The following MROH9 variants were observed in gnomAD, a reference collection of about 807,000 sequenced individuals.
MROH9 encodes the protein maestro heat-like repeat-containing protein family member 9.
MROH9 carries 92 observed loss-of-function variants against 98.2 expected under a neutral mutation model. The observed-to-expected ratio is 0.94, with a 90% CI of 0.79 to 1.11. The LOEUF is 1.11. Among genes scored for constraint, MROH9 ranks in the 50% most tolerant of loss-of-function variants. The pLI is 0.00. For missense variants in MROH9, 1,057 were observed against 1,014.8 expected (o/e 1.04, Z -0.57); for synonymous variants, 397 against 368.9 (o/e 1.08, Z -0.87).
At chr1:170,962,122 A>C (rs1650038078) in intron 6 of MROH9, 146 bp downstream of exon 6, 2 of 539,082 alleles carry the variant, frequency 3.7e-6, no homozygotes, top group East Asian at 7.2e-5. Context: ...AGTGAAATGT[A>C]GTCACTTCCC....
At chr1:170,942,424 C>T (rs28652568) in intron 1 of MROH9, among the ~76,000 whole-genome samples, 53,883 of 149,652 alleles carry the variant, frequency 0.36, 9,742 homozygotes, top group East Asian at 0.51. Context: ...CAGAGAATAC[C>T]GATAATTTTA....
At chr1:171,059,954 G>T (rs562796528) in intron 20 of MROH9, among the ~76,000 whole-genome samples, 2 of 151,722 alleles carry the variant, frequency 1.3e-5, no homozygotes, top group South Asian at 4.2e-4. Flanking sequence ...ATAAATGAAA[G>T]GTTATATATG....
At chr1:171,043,630 A>T (rs1175996276) in intron 20 of MROH9, among the ~76,000 whole-genome samples, 1 of 150,644 alleles carries the variant, frequency 6.6e-6, no homozygotes, top group East Asian at 1.9e-4. Flanking sequence ...ATTTTTTTTC[A>T]TTTCTTGGTG....
chr1:171,011,103 T>A (rs1652141866), intron 15 of MROH9, among the ~76,000 whole-genome samples: 1 of 152,114 alleles, frequency 6.6e-6, no homozygotes, highest in African/African-American at 2.4e-5. Flanking sequence ...GAGTCCTTAG[T>A]GGTTCTCAAA....
intron 6 of MROH9, 104 bp from the exon 7 acceptor site, chr1:170,965,047 G>A (rs1650176089): frequency 1.5e-6 from 1 of 686,814 alleles, no homozygotes; most frequent in African/African-American, 1.8e-5. Flanking sequence ...GAAATAACCA[G>A]GAGAATGTAG....
rs553670627 is a variant in MROH9, at chr1:171,044,610, G to A, written c.2282-17522G>A. On this transcript the variant is annotated intron_variant, in intron 20 of 21. Coordinates refer to ENST00000367759, the MANE Select transcript of MROH9 (RefSeq NM_001163629.2). ...CAGGTTCTGGGCTTTTCTTCACTGG[G>A]AGACTTTGTATTATAGCTTTGATCT... is the stretch of plus-strand genomic sequence containing the variant. Among the ~76,000 whole-genome samples the A allele has an allele frequency of 2.0e-5, 3 of 152,208 alleles. No homozygotes were observed. The East Asian group carries it at 5.8e-4, about 29-fold the overall frequency.
At chr1:170,985,026 C>T (rs979372245) in intron 9 of MROH9, among the ~76,000 whole-genome samples, 13 of 152,158 alleles carry the variant, frequency 8.5e-5, no homozygotes, top group South Asian at 2.1e-4. Context: ...AAAACAAAAC[C>T]GAAAACAATT....
intron 20 of MROH9, among the ~76,000 whole-genome samples, chr1:171,059,761 C>T (rs779490665): frequency 6.6e-6 from 1 of 152,104 alleles, no homozygotes; most frequent in Non-Finnish European, 1.5e-5. Flanking sequence ...CCATCATCCT[C>T]AGCAAACTAA....
intron 1 of MROH9, among the ~76,000 whole-genome samples, chr1:170,936,005 A>G (rs897623887): frequency 2.7e-5 from 4 of 148,996 alleles, no homozygotes; most frequent in African/African-American, 5.0e-5. Context: ...AAAAAAAAAA[A>G]AAAGAAAAGA....
intron 14 of MROH9, among the ~76,000 whole-genome samples, chr1:170,997,830 T>C (rs1651639516): frequency 6.6e-6 from 1 of 152,178 alleles, no homozygotes; most frequent in African/African-American, 2.4e-5. Context: ...CATCTTGGAC[T>C]AAGCACTAGA....
intron 20 of MROH9, among the ~76,000 whole-genome samples, chr1:171,056,549 G>A (rs193280182): frequency 8.1e-4 from 124 of 152,240 alleles, no homozygotes; most frequent in African/African-American, 2.9e-3. Context: ...AGCAGACATA[G>A]CCTTTCCTCC....
Position 170,983,448 on chromosome 1 carries a change from G to A in MROH9, c.643G>A (p.Gly215Ser), listed in dbSNP as rs1404985460. 23 of 1,612,474 alleles carry A rather than the reference G, an allele frequency of 1.4e-5. No individual in the cohort carries two copies. The highest frequency in any genetic ancestry group is 4.5e-5 in the East Asian group (2 of 44,752). Residue 215 changes from glycine (G) to serine (S), a missense_variant, in exon 9 of 22, where the codon GGT becomes AGT. Physicochemically the swap from Gly to Ser is moderately conservative, Grantham distance 56. Coordinates refer to ENST00000367759, the MANE Select transcript of MROH9 (RefSeq NM_001163629.2). ...TATTGGAACAAATAAGCCTACAAACGGTAAAAGTCATAGCCTCCAGTTTCC... is the reference window on the plus strand; with the variant it reads ...TATTGGAACAAATAAGCCTACAAACAGTAAAAGTCATAGCCTCCAGTTTCC... ...NDIGTNKPTN[G>S]KSHSLQFPSS...
At chr1:170,975,095 G>A (rs1271238884) in intron 8 of MROH9, among the ~76,000 whole-genome samples, 7 of 151,882 alleles carry the variant, frequency 4.6e-5, no homozygotes, top group African/African-American at 1.7e-4. Context: ...CACAAAATAG[G>A]AAACAAATAA....
chr1:170,951,764 C>T (rs1340247350), intron 3 of MROH9, among the ~76,000 whole-genome samples: 2 of 152,020 alleles, frequency 1.3e-5, no homozygotes, highest in Non-Finnish European at 2.9e-5. Flanking sequence ...GCTGCTAAGT[C>T]CTATAAAGAC....
chr1:171,023,235 A>G (rs1652574953), intron 17 of MROH9, among the ~76,000 whole-genome samples: 1 of 152,230 alleles, frequency 6.6e-6, no homozygotes, highest in African/African-American at 2.4e-5. Flanking sequence ...AAATATAAAT[A>G]AATAAAAATT....
Position 170,958,481 on chromosome 1 carries a change from A to G in MROH9, c.93A>G (p.Leu31=). ...WHHMAHKVNS[L]LDAYSGLLSN... ...CTTAGGCACATAAAGTTAACAGCCTATTGGATGCATACTCAGGCCTGTTAA... is the reference window on the plus strand; with the variant it reads ...CTTAGGCACATAAAGTTAACAGCCTGTTGGATGCATACTCAGGCCTGTTAA... The change falls in exon 4 of 22, where the codon CTA becomes CTG. Residue 31 remains leucine (L), a synonymous_variant. Coordinates refer to ENST00000367759, the MANE Select transcript of MROH9 (RefSeq NM_001163629.2). 6.3e-7 allele frequency: 1 copy of G among 1,582,624 alleles called. No homozygotes were observed.
chr1:170,992,312 A>G lies in MROH9; in HGVS notation c.1177A>G (p.Asn393Asp), dbSNP rs757233400. The change falls in exon 12 of 22, where the codon AAC becomes GAC. Residue 393 changes from asparagine to aspartate, a missense_variant. Transcript: ENST00000367759. ...EGKRFSLDIT[N>D]LMPLAACQAL... ...GAAACGTTTCTCTCTTGATATTACC[A>G]ACTTGATGCCTTTGGCGGTAAATAA... 10 of 1,613,150 alleles carry G rather than the reference A, an allele frequency of 6.2e-6. No individual in the cohort carries two copies. The highest frequency in any genetic ancestry group is 8.5e-6 in the Non-Finnish European group (10 of 1,179,466).
At chr1:170,966,071 A>T (rs1650226067) in intron 7 of MROH9, among the ~76,000 whole-genome samples, 1 of 152,054 alleles carries the variant, frequency 6.6e-6, no homozygotes, top group African/African-American at 2.4e-5. Context: ...CAAGTACATG[A>T]GTGTGTACCT....
intron 4 of MROH9, 69 bp from the exon 5 acceptor site, chr1:170,959,393 A>T: frequency 7.3e-7 from 1 of 1,372,150 alleles, no homozygotes; most frequent in South Asian, 1.5e-5. Flanking sequence ...TAAATAAATA[A>T]ATAAAGCCCA....
Sources: gnomAD v4.1 joint callset for allele counts (sites outside exome capture counted in the v4.1 genomes callset) on GRCh38, gnomAD v4.1.1 for gene constraint, MANE v1.5 for transcripts, NCBI Gene and HGNC (gene_info 2026-07-23, HGNC 2026-07-21) for gene names.